MACROD2: variants seen among roughly 807,000 people sequenced by gnomAD.
The protein encoded by MACROD2 is mono-ADP ribosylhydrolase 2.
In MACROD2, 36 loss-of-function variants were observed where a neutral mutation model predicts 70.4. That is an observed-to-expected ratio of 0.51 (90% CI 0.39 to 0.68). The LOEUF (loss-of-function observed/expected upper bound fraction) is 0.68. Among genes scored for constraint, MACROD2 ranks in the 30% least tolerant of loss-of-function variants. The pLI is 0.00. For synonymous variants in MACROD2, 172 were observed against 178.8 expected, an observed-to-expected ratio of 0.96 and a Z score of 0.30; for missense variants, 496 against 538.4, an observed-to-expected ratio of 0.92 and a Z score of 0.78.
intron 5 of MACROD2, among the ~76,000 whole-genome samples, chr20:14,710,805 C>CA (rs995516657): frequency 3.9e-5 from 6 of 151,984 alleles, no homozygotes; most frequent in Non-Finnish European, 5.9e-5. Context: ...AACCTTTCTG[C>CA]AAAAAAACAC....
Position 14,732,078 on chromosome 20 carries a change from G to C in MACROD2, c.418+47119G>C, listed in dbSNP as rs532208884. On this transcript the variant is annotated intron_variant, in intron 5 of 17. Coordinates refer to ENST00000684519, the MANE Select transcript of MACROD2 (RefSeq NM_001351661.2). ...CTGTAAGGTCTTAATTTTTAAGAAT[G>C]TAAAGGGGCTTCTGCAAACAAAAAG... Among the ~76,000 whole-genome samples, 24 of 152,212 alleles carry C rather than the reference G, an allele frequency of 1.6e-4. No individual in the cohort carries two copies. In the South Asian group the frequency reaches 5.0e-3, roughly 32 times the overall value.
chr20:15,595,094 T>C (rs1380175373), intron 8 of MACROD2, among the ~76,000 whole-genome samples: 2 of 152,332 alleles, frequency 1.3e-5, no homozygotes, highest in East Asian at 3.9e-4. Context: ...AGTTTTTCTT[T>C]TTACATTTTC....
chr20:15,644,948 C>T (rs1262525966), intron 8 of MACROD2, among the ~76,000 whole-genome samples: 1 of 152,156 alleles, frequency 6.6e-6, no homozygotes, highest in Non-Finnish European at 1.5e-5. Context: ...CTCAGCCTCC[C>T]AAAGTGTTGG....
chr20:14,587,379 C>T (rs1450382371), intron 4 of MACROD2, among the ~76,000 whole-genome samples: 3 of 151,610 alleles, frequency 2.0e-5, no homozygotes, highest in Admixed American at 6.6e-5. Flanking sequence ...CTCATTTTCA[C>T]AATTTTTCAA....
intron 5 of MACROD2, among the ~76,000 whole-genome samples, chr20:15,219,855 CA>C (rs1306541147): frequency 6.7e-6 from 1 of 149,772 alleles, no homozygotes; most frequent in Non-Finnish European, 1.5e-5. Flanking sequence ...ATTTGAGAGC[CA>C]AAACCTATCT....
intron 5 of MACROD2, among the ~76,000 whole-genome samples, chr20:14,722,023 C>T (rs1226983460): frequency 6.6e-6 from 1 of 152,210 alleles, no homozygotes; most frequent in Admixed American, 6.5e-5. Flanking sequence ...GTATCAGTTA[C>T]TGGCACAGTA....
At chr20:14,846,132 T>A (rs1246355026) in intron 5 of MACROD2, among the ~76,000 whole-genome samples, 1 of 152,148 alleles carries the variant, frequency 6.6e-6, no homozygotes, top group East Asian at 1.9e-4. Context: ...TTTGGTGTAG[T>A]CAAGAATATA....
At chr20:14,446,971 T>G (rs965213374) in intron 3 of MACROD2, among the ~76,000 whole-genome samples, 4 of 152,110 alleles carry the variant, frequency 2.6e-5, no homozygotes, top group African/African-American at 9.7e-5. Flanking sequence ...ACAATATATA[T>G]CAGATACTGA....
At chr20:14,256,307 C>A (rs148619836) in intron 3 of MACROD2, among the ~76,000 whole-genome samples, 1 of 152,048 alleles carries the variant, frequency 6.6e-6, no homozygotes, top group Non-Finnish European at 1.5e-5. Flanking sequence ...AAATTCCTCA[C>A]GCATATTGAT....
At chr20:14,397,438 A>G (rs547534005) in intron 3 of MACROD2, among the ~76,000 whole-genome samples, 2 of 152,356 alleles carry the variant, frequency 1.3e-5, no homozygotes, top group South Asian at 4.1e-4. Context: ...CTACTGTTCA[A>G]AAATAACATT....
At chr20:15,890,651 C>A (rs1261361009) in intron 10 of MACROD2, among the ~76,000 whole-genome samples, 1 of 152,140 alleles carries the variant, frequency 6.6e-6, no homozygotes, top group African/African-American at 2.4e-5. Flanking sequence ...ATGTGACTGA[C>A]TTGCAACCAC....
chr20:15,877,574 A>T (rs1307532791), intron 9 of MACROD2, among the ~76,000 whole-genome samples: 1 of 152,134 alleles, frequency 6.6e-6, no homozygotes, highest in East Asian at 1.9e-4. Context: ...CAGGAGTCCT[A>T]CTCAGGGAGG....
Position 16,051,846 on chromosome 20 carries a change from A to C in MACROD2, c.*1970A>C, listed in dbSNP as rs1286556731. 1 of 152,212 alleles carries C rather than the reference A, an allele frequency of 6.6e-6. No homozygotes were observed. The highest frequency in any genetic ancestry group is 1.5e-5 in the Non-Finnish European group (1 of 68,038). 9.4% of individuals were successfully genotyped at this position (152,212 alleles called of 1,614,324 possible). On this transcript the variant is annotated 3_prime_UTR_variant, in exon 18 of 18. Transcript: ENST00000684519. ...CCTCAGTAATGAGTTACAGTTGAAA[A>C]AAACATGAGGGAAACAGAGGGACAG...
intron 6 of MACROD2, among the ~76,000 whole-genome samples, chr20:15,403,623 G>A (rs73901024): frequency 0.041 from 6,206 of 152,266 alleles, 428 homozygotes; most frequent in African/African-American, 0.14. Context: ...GTGTCATTGT[G>A]TGTCATGGTT....
chr20:14,324,085 C>T lies in MACROD2; in HGVS notation c.272-169394C>T, dbSNP rs75534466. The T allele has an allele frequency of 8.6e-3, 1,314 of 152,584 alleles. 6 individuals carry two copies. The highest frequency in any genetic ancestry group is 0.02 in the Middle Eastern group (6 of 294). 9.5% of individuals were successfully genotyped at this position (152,584 alleles called of 1,614,324 possible). On this transcript the variant is annotated intron_variant, in intron 3 of 17. Coordinates refer to ENST00000684519, the MANE Select transcript of MACROD2 (RefSeq NM_001351661.2). ...GACTAATGTGCTGGGCAATTTGCTA[C>T]TTAGTGATAGTAACACAATCCTGAA... is the stretch of plus-strand genomic sequence containing the variant.
chr20:14,989,826 A>G (rs1283737075), intron 5 of MACROD2, among the ~76,000 whole-genome samples: 3 of 152,006 alleles, frequency 2.0e-5, no homozygotes, highest in Non-Finnish European at 4.4e-5. Flanking sequence ...GATCTTATCT[A>G]CCCCTAGCTT....
chr20:14,247,862 CTCA>C (rs1203388440), intron 3 of MACROD2, among the ~76,000 whole-genome samples: 9 of 152,246 alleles, frequency 5.9e-5, no homozygotes, highest in Non-Finnish European at 5.9e-5. Context: ...AGAATTCCTC[CTCA>C]TCCCTATAGG....
At chr20:15,640,333 A>C (rs1038178359) in intron 8 of MACROD2, among the ~76,000 whole-genome samples, 1 of 152,068 alleles carries the variant, frequency 6.6e-6, no homozygotes, top group African/African-American at 2.4e-5. Flanking sequence ...AGAGAGAGAG[A>C]GATGGTGATG....
intron 5 of MACROD2, among the ~76,000 whole-genome samples, chr20:15,119,188 G>A (rs886297909): frequency 6.6e-5 from 10 of 152,162 alleles, no homozygotes; most frequent in Non-Finnish European, 1.5e-4. Flanking sequence ...GATACTTCAA[G>A]AGGAGTGGTC....
Sources: allele counts gnomAD v4.1 joint callset (sites outside exome capture counted in the v4.1 genomes callset), GRCh38; gene constraint gnomAD v4.1.1; transcripts MANE v1.5; gene names NCBI Gene and HGNC (gene_info 2026-07-23, HGNC 2026-07-21).